The following ADIPOR2 variants were observed in gnomAD, a reference collection of about 807,000 sequenced individuals.
The protein encoded by ADIPOR2 is adiponectin receptor 2, also known as adiponectin receptor protein 2.
Under a neutral mutation model 40.9 loss-of-function variants are expected in ADIPOR2, and 18 were observed. The observed-to-expected ratio is 0.44, with a 90% CI of 0.30 to 0.65. The LOEUF is 0.65. Ranked by LOEUF, ADIPOR2 falls within the 30% of genes least tolerant of loss-of-function variation. The pLI is 0.09. For missense variants in ADIPOR2, 283 were observed against 479.2 expected, an observed-to-expected ratio of 0.59 and a Z score of 3.82; for synonymous variants, 165 against 166.4, an observed-to-expected ratio of 0.99 and a Z score of 0.06.
chr12:1,781,145 G>A (rs1862710460), intron 6 of ADIPOR2, 69 bp downstream of exon 6: 1 of 1,427,044 alleles, frequency 7.0e-7, no homozygotes, highest in Non-Finnish European at 9.4e-7. Flanking sequence ...ATTTATTAAA[G>A]TTCTACCATT....
intron 1 of ADIPOR2, among the ~76,000 whole-genome samples, chr12:1,740,159 A>C (rs958523476): frequency 2.6e-5 from 4 of 152,188 alleles, no homozygotes; most frequent in Non-Finnish European, 5.9e-5. Flanking sequence ...GATGATGCCT[A>C]CCTTGAATGG....
chr12:1,700,680 AAGG>A (rs1168542653), intron 1 of ADIPOR2, among the ~76,000 whole-genome samples: 2 of 152,284 alleles, frequency 1.3e-5, no homozygotes, highest in East Asian at 1.9e-4. Context: ...ACTAAACTAA[AAGG>A]AGGAACAAGA....
intron 5 of ADIPOR2, 79 bp downstream of exon 5, chr12:1,780,716 A>G: frequency 1.4e-6 from 2 of 1,425,258 alleles, no homozygotes; most frequent in South Asian, 2.9e-5. Flanking sequence ...CAGAGTTGGC[A>G]GAATTCTTAA....
chr12:1,721,205 C>CTTTTTT (rs59268943), intron 1 of ADIPOR2, among the ~76,000 whole-genome samples: 1 of 58,182 alleles, frequency 1.7e-5, no homozygotes, highest in African/African-American at 7.1e-5. Context: ...ATAAAATAAA[C>CTTTTTT]TTTTTTTTTT....
At chr12:1,703,476 C>T (rs1160486122) in intron 1 of ADIPOR2, among the ~76,000 whole-genome samples, 3 of 152,090 alleles carry the variant, frequency 2.0e-5, no homozygotes, top group Non-Finnish European at 4.4e-5. Context: ...TGGCTCATGG[C>T]TGTAATCTCA....
intron 1 of ADIPOR2, among the ~76,000 whole-genome samples, chr12:1,717,457 A>G (rs113971992): frequency 0.017 from 2,663 of 152,282 alleles, 83 homozygotes; most frequent in African/African-American, 0.061. Flanking sequence ...CTGTAATCCC[A>G]GCACTTTGGG....
intron 1 of ADIPOR2, among the ~76,000 whole-genome samples, chr12:1,714,339 A>G (rs1019794611): frequency 2.0e-5 from 3 of 152,060 alleles, no homozygotes; most frequent in African/African-American, 7.3e-5. Context: ...GGAGGTTGCC[A>G]GGTTTAATAA....
Position 1,754,729 on chromosome 12 carries a change from C to CTAT in ADIPOR2, c.171+217_171+218insTTA, listed in dbSNP as rs1862083393. Among the ~76,000 whole-genome samples, 4 of 150,900 alleles carry CTAT rather than the reference C, an allele frequency of 2.7e-5. No homozygotes were observed. The Admixed American group carries it at 2.7e-4, about 10-fold the overall frequency. On this transcript the variant is annotated intron_variant, in intron 2 of 7. Coordinates refer to ENST00000357103, the MANE Select transcript of ADIPOR2 (RefSeq NM_024551.3). ...ACTACTACTACTACTACTACTACTA[C>CTAT]TACTACTACTACTACTACTATTGAG...
chr12:1,754,726 C>T (rs1178555131), intron 2 of ADIPOR2, among the ~76,000 whole-genome samples: 1 of 102,724 alleles, frequency 9.7e-6, no homozygotes, highest in Admixed American at 1.4e-4. Context: ...ACTACTACTA[C>T]TACTACTACT....
rs1393618635 is a variant in ADIPOR2 at position 1,696,264 on chromosome 12, TAGG to T, written c.-87+5076_-87+5078del. On this transcript the variant is annotated intron_variant, in intron 1 of 7. Coordinates refer to ENST00000357103, the MANE Select transcript of ADIPOR2 (RefSeq NM_024551.3). ...TCCTCCATGGGTGCTGTTCAGCTTCTAGGAGATTTCTTGCAGTTTCTACTTGTC... is the reference window on the plus strand; with the variant it reads ...TCCTCCATGGGTGCTGTTCAGCTTCTAGATTTCTTGCAGTTTCTACTTGTC... 2.6e-5 allele frequency: 4 copies of T among 154,980 alleles called. No homozygotes were observed. In the East Asian group the frequency reaches 7.1e-4, roughly 28 times the overall value. The allele number at this position is 154,980 out of a possible 1,614,324, so 9.6% of individuals were successfully genotyped here.
At chr12:1,751,906 C>A (rs1039668119) in intron 1 of ADIPOR2, among the ~76,000 whole-genome samples, 8 of 150,682 alleles carry the variant, frequency 5.3e-5, no homozygotes, top group African/African-American at 2.0e-4. Flanking sequence ...TGATATTTTT[C>A]TTTTCTTTTC....
chr12:1,778,180 G>A (rs760895864), intron 4 of ADIPOR2, 155 bp downstream of exon 4: 11 of 860,746 alleles, frequency 1.3e-5, no homozygotes, highest in Admixed American at 3.5e-5. Context: ...TGGTTTACTC[G>A]TAGTTTATCC....
At chr12:1,727,468 A>C (rs1316604960) in intron 1 of ADIPOR2, among the ~76,000 whole-genome samples, 1 of 152,188 alleles carries the variant, frequency 6.6e-6, no homozygotes, top group African/African-American at 2.4e-5. Flanking sequence ...TGCATGTATA[A>C]TTATTATTTA....
intron 4 of ADIPOR2, 23 bp from the exon 5 acceptor site, chr12:1,780,428 A>G (rs199835605): frequency 7.6e-6 from 12 of 1,573,190 alleles, no homozygotes; most frequent in African/African-American, 2.8e-5. Context: ...TATTTTATCT[A>G]TTTTCTGTGC....
At chr12:1,747,901 A>T (rs1430791977) in intron 1 of ADIPOR2, among the ~76,000 whole-genome samples, 1 of 151,882 alleles carries the variant, frequency 6.6e-6, no homozygotes, top group Admixed American at 6.6e-5. Flanking sequence ...ATCTGTCTGG[A>T]TGTCCTTGCC....
rs989245834 is a variant in ADIPOR2 at position 1,783,877 on chromosome 12, T to C, written c.839-3T>C. ...TACTTTACTCTCTTCTTGTGACTCCTAGGAGTGTTTTTGGGCCTAGGCCTG... is the reference window on the plus strand; with the variant it reads ...TACTTTACTCTCTTCTTGTGACTCCCAGGAGTGTTTTTGGGCCTAGGCCTG... On this transcript the variant is annotated splice_region_variant and splice_polypyrimidine_tract_variant and intron_variant, in intron 6 of 7. Coordinates refer to ENST00000357103, the MANE Select transcript of ADIPOR2 (RefSeq NM_024551.3). 1.9e-6 allele frequency: 3 copies of C among 1,595,966 alleles called. No individual in the cohort carries two copies. In the African/African-American group the frequency reaches 4.0e-5, roughly 22 times the overall value.
At chr12:1,724,130 C>T (rs545004030) in intron 1 of ADIPOR2, among the ~76,000 whole-genome samples, 5 of 152,080 alleles carry the variant, frequency 3.3e-5, no homozygotes, top group South Asian at 4.1e-4. Flanking sequence ...TACAGGTGCC[C>T]GCCACGACGC....
intron 1 of ADIPOR2, among the ~76,000 whole-genome samples, chr12:1,701,300 G>C (rs1014197396): frequency 6.6e-6 from 1 of 151,886 alleles, no homozygotes; most frequent in African/African-American, 2.4e-5. Context: ...GCTAATATTT[G>C]TATATTTTGT....
Position 1,780,452 on chromosome 12 carries a change from T to G in ADIPOR2, c.465T>G (p.Gly155=). 6.2e-7 allele frequency: 1 copy of G among 1,605,282 alleles called. No individual in the cohort carries two copies. Among genetic ancestry groups the G allele is most frequent in the South Asian group, 1.1e-5 (1 of 89,522 alleles). ...TATTTTCTGTGCTCTTTTTCCTAGG[T>G]TGTGTATTCTTCCTGTGCCTGGGGA... ...ETGNIWTHLL[G]CVFFLCLGIF... Residue 155 remains glycine, a splice_region_variant and synonymous_variant, in exon 5 of 8, where the codon GGT becomes GGG. Coordinates refer to ENST00000357103, the MANE Select transcript of ADIPOR2 (RefSeq NM_024551.3).
Sources: gnomAD v4.1 joint callset for allele counts (sites outside exome capture counted in the v4.1 genomes callset) on GRCh38, gnomAD v4.1.1 for gene constraint, MANE v1.5 for transcripts, NCBI Gene and HGNC (gene_info 2026-07-23, HGNC 2026-07-21) for gene names.